ATF7: variants seen among roughly 807,000 people sequenced by gnomAD.
ATF7 encodes activating transcription factor 7.
Under a neutral mutation model 50.4 loss-of-function variants are expected in ATF7, and 10 were observed. The ratio of observed to expected loss-of-function variants is 0.20; its 90% CI spans 0.12 to 0.34. The LOEUF is 0.34. ATF7 is among the 10% of genes least tolerant of loss of function. The pLI, the probability that ATF7 is intolerant of heterozygous loss-of-function variation, is 1.00. For missense variants in ATF7, 465 were observed against 613.9 expected, an observed-to-expected ratio of 0.76 and a Z score of 2.56; for synonymous variants, 201 against 226.4, an observed-to-expected ratio of 0.89 and a Z score of 1.01.
At chr12:53,564,889 T>G (rs1941360112) in intron 2 of ATF7, among the ~76,000 whole-genome samples, 1 of 152,224 alleles carries the variant, frequency 6.6e-6, no homozygotes, top group African/African-American at 2.4e-5. Flanking sequence ...TTGGCGATTT[T>G]TTTTTTGTTT....
At chr12:53,597,371 T>C (rs527889668) in intron 2 of ATF7, among the ~76,000 whole-genome samples, 9 of 152,302 alleles carry the variant, frequency 5.9e-5, no homozygotes, top group Admixed American at 5.2e-4. Context: ...CATAATCCAC[T>C]AGTCTATTCT....
chr12:53,532,436 C>G (rs1938957810), intron 8 of ATF7, 74 bp downstream of exon 8: 3 of 1,251,566 alleles, frequency 2.4e-6, no homozygotes, highest in Non-Finnish European at 3.4e-6. Context: ...GCTTGGCTCA[C>G]TTGAAAGACC....
intron 2 of ATF7, among the ~76,000 whole-genome samples, chr12:53,599,625 T>G (rs1016768793): frequency 6.6e-6 from 1 of 152,184 alleles, no homozygotes; most frequent in Non-Finnish European, 1.5e-5. Context: ...TACTGGAATT[T>G]GGAATCTTCC....
intron 2 of ATF7, among the ~76,000 whole-genome samples, chr12:53,578,078 T>C (rs941502074): frequency 2.0e-5 from 3 of 152,134 alleles, no homozygotes; most frequent in Non-Finnish European, 4.4e-5. Context: ...GAATTCTGTA[T>C]CCTGCACAAT....
intron 2 of ATF7, among the ~76,000 whole-genome samples, chr12:53,562,696 T>C (rs928042261): frequency 6.6e-6 from 1 of 152,062 alleles, no homozygotes; most frequent in Non-Finnish European, 1.5e-5. Context: ...TCATCATCCA[T>C]ATCCAAAAGG....
At chr12:53,586,351 G>A in intron 2 of ATF7, among the ~76,000 whole-genome samples, 1 of 151,732 alleles carries the variant, frequency 6.6e-6, no homozygotes, top group East Asian at 1.9e-4. Flanking sequence ...AATGACAAAT[G>A]TCTGAAGTTA....
At chr12:53,508,453 A>C (rs534530455), downstream of ATF7, among the ~76,000 whole-genome samples, 1 of 149,392 alleles carries the variant, frequency 6.7e-6, no homozygotes, top group South Asian at 2.1e-4. Flanking sequence ...CCAGCTACTC[A>C]GGAGGCTGAG....
chr12:53,626,084 G>T (rs1944594418), intron 1 of ATF7, 195 bp downstream of exon 1: 1 of 152,318 alleles, frequency 6.6e-6, no homozygotes, highest in East Asian at 1.9e-4. Context: ...CGCCAATCGA[G>T]GCTTCCTTCT....
At chr12:53,593,122 G>C (rs1049993996) in intron 2 of ATF7, among the ~76,000 whole-genome samples, 1 of 152,168 alleles carries the variant, frequency 6.6e-6, no homozygotes, top group Non-Finnish European at 1.5e-5. Context: ...AAAAGACTTT[G>C]TGCCAGGTGC....
chr12:53,568,460 G>T (rs1310058235), intron 2 of ATF7, among the ~76,000 whole-genome samples: 3 of 151,978 alleles, frequency 2.0e-5, no homozygotes, highest in Admixed American at 6.6e-5. Context: ...CCAAAATACA[G>T]TATTAAGCTT....
chr12:53,555,352 G>C (rs1468498977), intron 2 of ATF7, among the ~76,000 whole-genome samples: 1 of 151,664 alleles, frequency 6.6e-6, no homozygotes, highest in African/African-American at 2.4e-5. Context: ...TGAGGGTTTG[G>C]GGGAAGGAGG....
chr12:53,587,844 T>TATATATATATAAATATATATA (rs1491300296), intron 2 of ATF7, among the ~76,000 whole-genome samples: 1 of 40,772 alleles, frequency 2.5e-5, no homozygotes, highest in South Asian at 9.7e-4. Flanking sequence ...TATATATATA[T>TATATATATATAAATATATATA]TTTTTTTTTT....
At chr12:53,532,122 C>T (rs1164706129) in intron 8 of ATF7, among the ~76,000 whole-genome samples, 1 of 152,082 alleles carries the variant, frequency 6.6e-6, no homozygotes, top group African/African-American at 2.4e-5. Flanking sequence ...CAGTTGGGGG[C>T]TGGGGGTTGT....
intron 2 of ATF7, among the ~76,000 whole-genome samples, chr12:53,594,045 G>A (rs1153135): frequency 0.94 from 142,905 of 152,326 alleles, 67,682 homozygotes; most frequent in East Asian, 1. Context: ...AAAAGAATGA[G>A]GAATTCTATA....
intron 1 of ATF7, among the ~76,000 whole-genome samples, chr12:53,608,064 A>G (rs1943689235): frequency 6.6e-6 from 1 of 151,694 alleles, no homozygotes; most frequent in Non-Finnish European, 1.5e-5. Context: ...CTAAAAATAC[A>G]AAAAAATTAG....
intron 1 of ATF7, among the ~76,000 whole-genome samples, chr12:53,614,010 T>C (rs1181666760): frequency 6.6e-6 from 1 of 151,998 alleles, no homozygotes; most frequent in African/African-American, 2.4e-5. Flanking sequence ...CCAGCTTAAA[T>C]AGACCAAATA....
At chr12:53,554,250 C>T (rs1440752957) in intron 2 of ATF7, among the ~76,000 whole-genome samples, 1 of 152,186 alleles carries the variant, frequency 6.6e-6, no homozygotes, top group Non-Finnish European at 1.5e-5. Context: ...CCTGTCTCAG[C>T]CTCCTGAGTA....
chr12:53,598,191 T>A (rs1228078744), intron 2 of ATF7, among the ~76,000 whole-genome samples: 1 of 152,236 alleles, frequency 6.6e-6, no homozygotes, highest in Non-Finnish European at 1.5e-5. Context: ...ACAGTAAATC[T>A]TGTAGAGATC....
intron 3 of ATF7, 60 bp downstream of exon 3, chr12:53,552,481 T>C: frequency 7.7e-7 from 1 of 1,295,386 alleles, no homozygotes; most frequent in Non-Finnish European, 1.1e-6. Flanking sequence ...ATCTGGTCTC[T>C]GGTATTAATC....
Sources: allele counts gnomAD v4.1 joint callset (sites outside exome capture counted in the v4.1 genomes callset), GRCh38; gene constraint gnomAD v4.1.1; transcripts MANE v1.5; gene names NCBI Gene and HGNC (gene_info 2026-07-23, HGNC 2026-07-21).